The following ALDH1A2 variants were observed in gnomAD, a reference collection of about 807,000 sequenced individuals.
ALDH1A2 encodes the protein retinal dehydrogenase 2.
ALDH1A2 carries 27 observed loss-of-function variants against 60.3 expected under a neutral mutation model. That is an observed-to-expected ratio of 0.45 (90% CI 0.33 to 0.62). The LOEUF is 0.62. ALDH1A2 is among the 20% of genes least tolerant of loss of function. The pLI is 0.02. For missense variants in ALDH1A2, 581 were observed against 643.8 expected, an observed-to-expected ratio of 0.90 and a Z score of 1.06; for synonymous variants, 289 against 232.4, an observed-to-expected ratio of 1.24 and a Z score of -2.21.
At position 58,033,023 on chromosome 15, in the gene ALDH1A2, G is replaced by A. The variant is rs566111018; in HGVS notation, c.118-18742C>T. ...TCAGAGACACTGGGACAGGTGAGTGGGGGTGAAGGGAGAGGATGAAGAGAG... is the reference window on the plus strand; with the variant it reads ...TCAGAGACACTGGGACAGGTGAGTGAGGGTGAAGGGAGAGGATGAAGAGAG... On this transcript the variant is annotated intron_variant, in intron 1 of 12. Transcript: ENST00000249750. Among the ~76,000 whole-genome samples, 9 of 152,066 alleles carry A rather than the reference G, an allele frequency of 5.9e-5. No homozygotes were observed. In the South Asian group the frequency reaches 1.9e-3, roughly 32 times the overall value.
intron 7 of ALDH1A2, among the ~76,000 whole-genome samples, chr15:57,975,796 A>C (rs1319266398): frequency 6.6e-6 from 1 of 151,488 alleles, no homozygotes; most frequent in Non-Finnish European, 1.5e-5. Context: ...CTATAGTGCC[A>C]GAAAGCCTGG....
rs753200418 is a variant in ALDH1A2 at position 57,992,779 on chromosome 15, A to G, written c.724T>C (p.Tyr242His). ...PPGVINILPGYGPTAGAAIAS... is the reference protein window; with the variant it reads ...PPGVINILPGHGPTAGAAIAS... The stretch of plus-strand genomic sequence containing the variant: ...ATTGCTGCCCCAGCCGTTGGCCCAT[A>G]TCCTGGCAAAATATTGATGACCCCG... The change falls in exon 7 of 13, where the codon TAT (tyrosine) becomes CAT (histidine). Residue 242 changes from tyrosine to histidine, a missense_variant. Tyr to His is a moderately conservative substitution (Grantham distance 83). Around this residue, in one of 2 missense-constraint regions of ALDH1A2, gnomAD observed 375 missense variants for 469.7 expected, o/e 0.80. Transcript: ENST00000249750. The G allele has an allele frequency of 1.2e-6, 2 of 1,614,118 alleles. No homozygotes were observed. Among genetic ancestry groups the G allele is most frequent in the South Asian group, 2.2e-5 (2 of 91,078 alleles).
chr15:57,987,238 T>G (rs1595641983), intron 7 of ALDH1A2, among the ~76,000 whole-genome samples: 2 of 150,370 alleles, frequency 1.3e-5, no homozygotes, highest in Admixed American at 1.3e-4. Flanking sequence ...AAGGCGGAAG[T>G]AGAAAGCAAA....
rs922455606 is a variant in ALDH1A2 at position 58,017,512 on chromosome 15, T to C, written c.118-3231A>G. ...AATCATGAACCCTCAAATTTCTCCA[T>C]AGCATTACACTGTGATAATAATGCA... On this transcript the variant is annotated intron_variant, in intron 1 of 12. Coordinates refer to ENST00000249750, the MANE Select transcript of ALDH1A2 (RefSeq NM_003888.4). Among the ~76,000 whole-genome samples, 6 of 152,300 alleles carry C rather than the reference T, an allele frequency of 3.9e-5. 1 individual carries two copies. In the South Asian group the frequency reaches 1.0e-3, roughly 26 times the overall value.
At chr15:58,012,855 G>T (rs539983874) in intron 3 of ALDH1A2, among the ~76,000 whole-genome samples, 1 of 152,142 alleles carries the variant, frequency 6.6e-6, no homozygotes, top group Non-Finnish European at 1.5e-5. Flanking sequence ...CCAAGTAGGG[G>T]AAAGGATATA....
chr15:57,992,905 A>G lies in ALDH1A2; in HGVS notation c.684+40T>C, dbSNP rs754288575. On this transcript the variant is annotated intron_variant, in intron 6 of 12. Transcript: ENST00000249750. Reference sequence around the variant, plus strand: ...ATATGCTCTAGTAGGCTCCAGCTGTAAGGGGAGTCAGAAGCACTCCCGAAG... The same window carrying G: ...ATATGCTCTAGTAGGCTCCAGCTGTGAGGGGAGTCAGAAGCACTCCCGAAG... The G allele has an allele frequency of 5.0e-6, 8 of 1,608,570 alleles. No individual in the cohort carries two copies. The South Asian group carries it at 8.8e-5, about 18-fold the overall frequency.
At chr15:57,982,250 G>A (rs1346445389) in intron 7 of ALDH1A2, among the ~76,000 whole-genome samples, 2 of 152,126 alleles carry the variant, frequency 1.3e-5, no homozygotes, top group Non-Finnish European at 2.9e-5. Flanking sequence ...GGATATCTGA[G>A]GCCTGGAAAG....
chr15:58,055,173 C>G (rs1896866502), intron 1 of ALDH1A2, among the ~76,000 whole-genome samples: 2 of 151,992 alleles, frequency 1.3e-5, no homozygotes, highest in Non-Finnish European at 2.9e-5. Flanking sequence ...CTGGAATTGC[C>G]ACCCACTATT....
intron 7 of ALDH1A2, among the ~76,000 whole-genome samples, chr15:57,989,479 G>A (rs1259189246): frequency 1.6e-4 from 24 of 152,118 alleles, no homozygotes; most frequent in Non-Finnish European, 1.5e-5. Flanking sequence ...AACCAAATAA[G>A]AGGGTATGTT....
intron 7 of ALDH1A2, among the ~76,000 whole-genome samples, chr15:57,978,512 C>G (rs996733063): frequency 6.6e-6 from 1 of 152,182 alleles, no homozygotes; most frequent in African/African-American, 2.4e-5. Flanking sequence ...GTTGAACCAG[C>G]CTTGCATAGC....
intron 7 of ALDH1A2, among the ~76,000 whole-genome samples, chr15:57,992,123 T>TA (rs1282055449): frequency 2.6e-5 from 4 of 152,170 alleles, no homozygotes; most frequent in Admixed American, 2.6e-4. Context: ...TGTCTATAAA[T>TA]AAACTTTAAT....
At chr15:58,047,903 G>A (rs576838635) in intron 1 of ALDH1A2, among the ~76,000 whole-genome samples, 58 of 152,096 alleles carry the variant, frequency 3.8e-4, no homozygotes, top group Non-Finnish European at 6.6e-4. Context: ...TAAAGTCAAT[G>A]TTTTGATATT....
chr15:57,978,789 C>G (rs1894369726), intron 7 of ALDH1A2, among the ~76,000 whole-genome samples: 1 of 152,156 alleles, frequency 6.6e-6, no homozygotes, highest in African/African-American at 2.4e-5. Flanking sequence ...GTAATCTCAG[C>G]ACTTAGGGAG....
chr15:57,958,214 G>GCGCACACACACACACACACACACACACA (rs67551670), intron 12 of ALDH1A2, among the ~76,000 whole-genome samples: 1 of 151,700 alleles, frequency 6.6e-6, no homozygotes, highest in Admixed American at 6.6e-5. Flanking sequence ...GTACACGCAC[G>GCGCACACACACACACACACACACACACA]CACACACACA....
intron 1 of ALDH1A2, among the ~76,000 whole-genome samples, chr15:58,060,463 C>CTTTTTTTTTTTTTTTTTTTTTT (rs35187901): frequency 1.4e-4 from 12 of 87,510 alleles, no homozygotes; most frequent in East Asian, 3.9e-4. Context: ...CCACACATAT[C>CTTTTTTTTTTTTTTTTTTTTTT]TTTTTTTTTT....
intron 5 of ALDH1A2, 22 bp from the exon 6 acceptor site, chr15:57,993,095 T>C: frequency 6.2e-7 from 1 of 1,610,470 alleles, no homozygotes; most frequent in Non-Finnish European, 8.5e-7. Flanking sequence ...AAACTCAAAG[T>C]TGATAGATGG....
At chr15:58,009,761 C>T (rs1463439788) in intron 4 of ALDH1A2, among the ~76,000 whole-genome samples, 3 of 152,126 alleles carry the variant, frequency 2.0e-5, no homozygotes, top group Admixed American at 2.0e-4. Flanking sequence ...AGCTCTAAAA[C>T]TTATTTACTC....
At chr15:58,028,546 T>C (rs548613973) in intron 1 of ALDH1A2, among the ~76,000 whole-genome samples, 22 of 152,256 alleles carry the variant, frequency 1.4e-4, no homozygotes, top group African/African-American at 4.6e-4. Flanking sequence ...AATTCACACA[T>C]AACAATATTA....
rs564592853 is a variant in ALDH1A2 at position 58,023,858 on chromosome 15, G to A, written c.118-9577C>T. 1.2e-4 allele frequency among the ~76,000 whole-genome samples: 18 copies of A among 152,236 alleles called. No individual in the cohort carries two copies. In the South Asian group the frequency reaches 2.5e-3, roughly 21 times the overall value. On this transcript the variant is annotated intron_variant, in intron 1 of 12. Transcript: ENST00000249750. Reference sequence around the variant, plus strand: ...TGTAATCCCAGCATTTTGGGAGGCCGAGGTGGGTGGAGCACCTGAGGTTGG... The same window carrying A: ...TGTAATCCCAGCATTTTGGGAGGCCAAGGTGGGTGGAGCACCTGAGGTTGG...
Sources: gnomAD v4.1 joint callset for allele counts (sites outside exome capture counted in the v4.1 genomes callset) on GRCh38, gnomAD v4.1.1 for gene constraint, gnomAD v4.1.1 regional missense constraint, MANE v1.5 for transcripts, NCBI Gene and HGNC (gene_info 2026-07-23, HGNC 2026-07-21) for gene names.